Variants in ZNF618 observed in about 807,000 individuals in gnomAD.
ZNF618 encodes the protein neural precursor cell expressed, developmentally down-regulated 10.
ZNF618 carries 34 observed loss-of-function variants against 103.0 expected under a neutral mutation model. That is an observed-to-expected ratio of 0.33 (90% CI 0.25 to 0.44). The LOEUF (loss-of-function observed/expected upper bound fraction) is 0.44, where lower values mean the gene tolerates loss of function less well. Ranked by LOEUF, ZNF618 falls within the 20% of genes least tolerant of loss-of-function variation. The probability of loss-of-function intolerance (pLI) is 1.00; values close to 1 mark genes in which losing one functional copy is unlikely to be tolerated. For missense variants in ZNF618, 1,059 were observed against 1,295.4 expected (o/e 0.82, Z 2.80); for synonymous variants, 551 against 542.2 (o/e 1.02, Z -0.23).
chr9:114,044,724 G>A (rs920154130), intron 13 of ZNF618, among the ~76,000 whole-genome samples: 4 of 152,048 alleles, frequency 2.6e-5, no homozygotes, highest in African/African-American at 4.8e-5. Flanking sequence ...TTTCAGCAGC[G>A]TTTTGCAGTT....
chr9:114,020,709 G>C (rs542878762), intron 10 of ZNF618, among the ~76,000 whole-genome samples: 1 of 151,898 alleles, frequency 6.6e-6, no homozygotes, highest in South Asian at 2.1e-4. Flanking sequence ...AGATTTTTTT[G>C]GATTTTCTTT....
At chr9:113,979,363 A>G (rs1268796182) in intron 2 of ZNF618, among the ~76,000 whole-genome samples, 1 of 152,218 alleles carries the variant, frequency 6.6e-6, no homozygotes, top group East Asian at 1.9e-4. Context: ...GTATCTTGGC[A>G]TTTCAGAAAG....
At chr9:113,991,674 G>A (rs1264038124) in intron 3 of ZNF618, among the ~76,000 whole-genome samples, 2 of 152,196 alleles carry the variant, frequency 1.3e-5, no homozygotes, top group East Asian at 1.9e-4. Flanking sequence ...TAAAGTCGGT[G>A]CAGGATAAGG....
intron 1 of ZNF618, among the ~76,000 whole-genome samples, chr9:113,886,501 T>C (rs1829084205): frequency 6.6e-6 from 1 of 152,232 alleles, no homozygotes; most frequent in Non-Finnish European, 1.5e-5. Context: ...TTTTTTTCCT[T>C]AATTTCATCA....
At chr9:113,998,475 A>C in intron 4 of ZNF618, 121 bp downstream of exon 4, 1 of 837,370 alleles carries the variant, frequency 1.2e-6, no homozygotes, top group Non-Finnish European at 1.9e-6. Context: ...CAGGGTCAAG[A>C]GGGGCCACCT....
At chr9:114,032,618 T>C (rs1326307814) in intron 11 of ZNF618, 27 bp from the exon 12 acceptor site, 1 of 1,611,428 alleles carries the variant, frequency 6.2e-7, no homozygotes, top group Non-Finnish European at 8.5e-7. Context: ...ACCATTGTTT[T>C]CTTTCTCTCT....
chr9:114,030,516 C>T (rs544918060), intron 11 of ZNF618, among the ~76,000 whole-genome samples: 58 of 152,190 alleles, frequency 3.8e-4, no homozygotes, highest in Middle Eastern at 3.2e-3. Context: ...GGCCGGTCTC[C>T]AGCTTCAGTG....
At chr9:113,980,313 G>A (rs1001321618) in intron 2 of ZNF618, among the ~76,000 whole-genome samples, 5 of 152,018 alleles carry the variant, frequency 3.3e-5, no homozygotes, top group African/African-American at 4.8e-5. Flanking sequence ...TGTTAAATAC[G>A]AGGTGCCTGT....
intron 1 of ZNF618, among the ~76,000 whole-genome samples, chr9:113,932,394 G>C (rs1169435344): frequency 2.0e-5 from 3 of 152,202 alleles, no homozygotes; most frequent in African/African-American, 4.8e-5. Flanking sequence ...CCACTGGGAA[G>C]GGGTTGGAGG....
At chr9:113,972,729 C>T (rs1023489994) in intron 2 of ZNF618, among the ~76,000 whole-genome samples, 3 of 152,122 alleles carry the variant, frequency 2.0e-5, no homozygotes, top group Non-Finnish European at 2.9e-5. Flanking sequence ...TACATAGTGA[C>T]TTGATGTTCA....
At chr9:113,995,580 G>A (rs1840499096) in intron 3 of ZNF618, among the ~76,000 whole-genome samples, 1 of 152,056 alleles carries the variant, frequency 6.6e-6, no homozygotes, top group Admixed American at 6.5e-5. Context: ...ATAGAGTTTT[G>A]TTTTAGCAGT....
intron 3 of ZNF618, among the ~76,000 whole-genome samples, chr9:113,993,893 GA>G (rs1395953168): frequency 1.3e-5 from 2 of 152,064 alleles, no homozygotes; most frequent in Non-Finnish European, 2.9e-5. Context: ...TCCAGGAGGG[GA>G]TTTCAACTCA....
At chr9:113,877,073 C>CT (rs1011555825) in intron 1 of ZNF618, among the ~76,000 whole-genome samples, 36 of 150,780 alleles carry the variant, frequency 2.4e-4, no homozygotes, top group Middle Eastern at 3.4e-3. Flanking sequence ...GTAAGAGATT[C>CT]TTTTTTTTTC....
intron 9 of ZNF618, among the ~76,000 whole-genome samples, chr9:114,010,461 C>A (rs902737544): frequency 1.5e-4 from 23 of 151,882 alleles, no homozygotes; most frequent in African/African-American, 5.6e-4. Flanking sequence ...AATCCTAGCA[C>A]TTTGGGAGGC....
intron 1 of ZNF618, among the ~76,000 whole-genome samples, chr9:113,877,963 A>C (rs905547420): frequency 2.6e-5 from 4 of 152,146 alleles, no homozygotes; most frequent in African/African-American, 9.7e-5. Flanking sequence ...GAAGACAAGG[A>C]TTGAGGAATC....
chr9:113,962,992 A>C (rs1837008452), intron 1 of ZNF618, among the ~76,000 whole-genome samples: 1 of 152,264 alleles, frequency 6.6e-6, no homozygotes, highest in African/African-American at 2.4e-5. Context: ...TTGTTGGATG[A>C]ATGAGTGAAT....
chr9:113,960,734 G>C (rs116926618), intron 1 of ZNF618, among the ~76,000 whole-genome samples: 1 of 152,242 alleles, frequency 6.6e-6, no homozygotes, highest in Non-Finnish European at 1.5e-5. Context: ...CCTAGACCTG[G>C]TTTGGGGACG....
At chr9:113,974,097 G>A (rs999640108) in intron 2 of ZNF618, among the ~76,000 whole-genome samples, 1 of 152,246 alleles carries the variant, frequency 6.6e-6, no homozygotes, top group South Asian at 2.1e-4. Context: ...AGCTGATGTT[G>A]TAGTGGGAGT....
At chr9:113,908,412 G>A (rs1831188545) in intron 1 of ZNF618, among the ~76,000 whole-genome samples, 1 of 152,082 alleles carries the variant, frequency 6.6e-6, no homozygotes, top group African/African-American at 2.4e-5. Context: ...GTCTTCGTGG[G>A]CTCCTTCCTC....
Sources: gnomAD v4.1 joint callset for allele counts (sites outside exome capture counted in the v4.1 genomes callset) on GRCh38, gnomAD v4.1.1 for gene constraint, MANE v1.5 for transcripts, NCBI Gene and HGNC (gene_info 2026-07-23, HGNC 2026-07-21) for gene names.